The following STS variants were observed in gnomAD, a reference collection of about 807,000 sequenced individuals.
STS encodes steroid sulfatase, also known as steryl-sulfatase.
Under a neutral mutation model 26.8 loss-of-function variants are expected in STS, and 7 were observed. The ratio of observed to expected loss-of-function variants is 0.26; its 90% CI spans 0.15 to 0.49. STS has a LOEUF of 0.49. Ranked by LOEUF, STS falls within the 20% of genes least tolerant of loss-of-function variation. The pLI is 0.98. For missense variants in STS, 434 were observed against 465.6 expected, an observed-to-expected ratio of 0.93 and a Z score of 0.63; for synonymous variants, 199 against 189.4, an observed-to-expected ratio of 1.05 and a Z score of -0.42.
intron 1 of STS, among the ~76,000 whole-genome samples, chrX:7,180,342 T>C (rs1348636537): frequency 1.8e-5 from 2 of 111,930 alleles, no homozygotes; most frequent in Admixed American, 9.5e-5. Context: ...CCTAGATCCC[T>C]CACATGCACA....
At chrX:7,207,022 G>C (rs1488709441) in intron 2 of STS, among the ~76,000 whole-genome samples, 1 of 111,193 alleles carries the variant, frequency 9.0e-6, no homozygotes, top group Non-Finnish European at 1.9e-5. Context: ...CCAGCCTAGG[G>C]AACATGGTGA....
intron 2 of STS, among the ~76,000 whole-genome samples, chrX:7,206,025 C>T (rs1308192691): frequency 9.0e-6 from 1 of 111,388 alleles, no homozygotes; most frequent in African/African-American, 3.3e-5. Context: ...ACCCACTGCA[C>T]CCCCTATGCA....
At position 7,203,789 on chromosome X, in the gene STS, T is replaced by G. The variant is rs376142861; in HGVS notation, c.-5+12781T>G. ...ATATCCATATGCAAATATATATATA[T>G]ATAGAGAGAGAGAGAGACAGGGTCC... is the stretch of plus-strand genomic sequence containing the variant. On this transcript the variant is annotated intron_variant, in intron 2 of 10. Coordinates refer to ENST00000674429, the MANE Select transcript of STS (RefSeq NM_001320752.2). 4.8e-3 allele frequency among the ~76,000 whole-genome samples: 522 copies of G among 109,345 alleles called. 4 individuals are homozygous for G. The highest frequency in any genetic ancestry group is 0.014 in the African/African-American group (414 of 30,013). 95.0% of individuals were successfully genotyped at this position (109,345 alleles called of 115,157 possible). A position where few individuals can be genotyped will look rare whatever the true frequency, so the allele number is the denominator to read the frequency against.
At chrX:7,155,661 A>G (rs1933117668) in intron 1 of STS, among the ~76,000 whole-genome samples, 1 of 112,035 alleles carries the variant, frequency 8.9e-6, no homozygotes, top group Non-Finnish European at 1.9e-5. Flanking sequence ...ATTACAAACA[A>G]TGCAACTGCA....
At chrX:7,196,920 C>A (rs1355633901) in intron 2 of STS, among the ~76,000 whole-genome samples, 2 of 111,393 alleles carry the variant, frequency 1.8e-5, no homozygotes, top group Non-Finnish European at 3.8e-5. Context: ...CTGTTGGAAT[C>A]CTTCAATGGC....
At chrX:7,168,567 T>C (rs1342450551) in intron 1 of STS, among the ~76,000 whole-genome samples, 1 of 111,264 alleles carries the variant, frequency 9.0e-6, no homozygotes, top group Non-Finnish European at 1.9e-5. Flanking sequence ...TGTGGGCAGG[T>C]TTCTGGGAAT....
At chrX:7,319,861 G>A (rs1274250126) in intron 8 of STS, among the ~76,000 whole-genome samples, 1 of 103,714 alleles carries the variant, frequency 9.6e-6, no homozygotes, top group Non-Finnish European at 1.9e-5. Context: ...TAACTCTACC[G>A]CTTACTAAAT....
intron 3 of STS, 86 bp from the exon 4 acceptor site, chrX:7,257,156 G>T (rs758637471): frequency 8.7e-7 from 1 of 1,146,388 alleles, no homozygotes; most frequent in African/African-American, 1.8e-5. Context: ...CTCCAGCCTG[G>T]GTGACAGAGT....
intron 8 of STS, among the ~76,000 whole-genome samples, chrX:7,310,512 A>G (rs1926428671): frequency 8.9e-6 from 1 of 111,937 alleles, no homozygotes; most frequent in Non-Finnish European, 1.9e-5. Flanking sequence ...AAGGAGTTCA[A>G]GCTGAGAGTC....
chrX:7,182,581 A>G (rs889494310), intron 1 of STS, among the ~76,000 whole-genome samples: 1 of 110,985 alleles, frequency 9.0e-6, no homozygotes, highest in South Asian at 3.8e-4. Context: ...GCTTTGAACA[A>G]CAGTAAGTGC....
intron 1 of STS, among the ~76,000 whole-genome samples, chrX:7,180,276 G>C (rs1293782852): frequency 9.0e-6 from 1 of 111,694 alleles, no homozygotes; most frequent in Non-Finnish European, 1.9e-5. Flanking sequence ...CCATCGGGGG[G>C]TGATGGGAGA....
chrX:7,148,410 G>C (rs1165081406), intron 1 of STS, among the ~76,000 whole-genome samples: 1 of 113,037 alleles, frequency 8.8e-6, no homozygotes, highest in African/African-American at 3.2e-5. Flanking sequence ...ATCGGGCCAA[G>C]CTACTCAGCC....
chrX:7,301,965 G>A (rs1925986287), intron 7 of STS, among the ~76,000 whole-genome samples: 1 of 111,715 alleles, frequency 9.0e-6, no homozygotes, highest in Non-Finnish European at 1.9e-5. Context: ...ACTGCTGAAG[G>A]GCAGTTTCAT....
intron 2 of STS, among the ~76,000 whole-genome samples, chrX:7,216,529 G>A (rs139174589): frequency 0.022 from 2,464 of 112,116 alleles, 30 homozygotes; most frequent in Middle Eastern, 0.059. Context: ...ATGGAGAAGA[G>A]TAAACAAGGC....
chrX:7,304,045 T>C (rs1436769251), intron 7 of STS, among the ~76,000 whole-genome samples: 3 of 109,628 alleles, frequency 2.7e-5, no homozygotes, highest in African/African-American at 1.0e-4. Context: ...GATATATCTC[T>C]ACAAGATTTT....
intron 10 of STS, among the ~76,000 whole-genome samples, chrX:7,334,483 T>G (rs759980498): frequency 8.9e-6 from 1 of 111,986 alleles, no homozygotes; most frequent in African/African-American, 3.2e-5. Context: ...GCCCCTGTGC[T>G]CTGTGCATTG....
At chrX:7,196,926 A>G (rs758610293) in intron 2 of STS, among the ~76,000 whole-genome samples, 17 of 111,132 alleles carry the variant, frequency 1.5e-4, no homozygotes, top group Non-Finnish European at 2.5e-4. Flanking sequence ...GAATCCTTCA[A>G]TGGCTTCCCG....
At chrX:7,163,476 C>A (rs981506217) in intron 1 of STS, among the ~76,000 whole-genome samples, 7 of 112,080 alleles carry the variant, frequency 6.2e-5, no homozygotes, top group Non-Finnish European at 1.1e-4. Flanking sequence ...GGTCATTGGG[C>A]AAGCATTCCC....
chrX:7,275,574 A>G (rs1025510584), intron 6 of STS, among the ~76,000 whole-genome samples: 3 of 111,763 alleles, frequency 2.7e-5, no homozygotes, highest in Non-Finnish European at 3.8e-5. Context: ...AAGAAATACT[A>G]TTTTCAAGGT....
Sources: allele counts gnomAD v4.1 joint callset (sites outside exome capture counted in the v4.1 genomes callset), GRCh38; gene constraint gnomAD v4.1.1; transcripts MANE v1.5; gene names NCBI Gene and HGNC (gene_info 2026-07-23, HGNC 2026-07-21).